The following CNTNAP5 variants were observed in gnomAD, a reference collection of about 807,000 sequenced individuals.
The protein encoded by CNTNAP5 is contactin associated protein family member 5.
CNTNAP5 carries 72 observed loss-of-function variants against 150.2 expected under a neutral mutation model. That is an observed-to-expected ratio of 0.48 (90% CI 0.40 to 0.58). The LOEUF is 0.58. CNTNAP5 is among the 20% of genes least tolerant of loss of function. The pLI is 0.00. For synonymous variants in CNTNAP5, 672 were observed against 619.8 expected (o/e 1.08, Z -1.25); for missense variants, 1,636 against 1,626.2 (o/e 1.01, Z -0.10).
At chr2:124,779,939 C>T (rs990454722) in intron 17 of CNTNAP5, among the ~76,000 whole-genome samples, 3 of 152,056 alleles carry the variant, frequency 2.0e-5, no homozygotes, top group Admixed American at 6.6e-5. Flanking sequence ...TGTGGGAAGA[C>T]GTAGTGTCTA....
chr2:124,408,962 A>C (rs893941918), intron 3 of CNTNAP5, among the ~76,000 whole-genome samples: 1 of 150,216 alleles, frequency 6.7e-6, no homozygotes, highest in Non-Finnish European at 1.5e-5. Context: ...CATTCAAACC[A>C]AAGGCAAAGA....
intron 13 of CNTNAP5, among the ~76,000 whole-genome samples, chr2:124,685,885 A>C (rs1332488220): frequency 6.6e-6 from 1 of 151,544 alleles, no homozygotes; most frequent in Non-Finnish European, 1.5e-5. Context: ...TTGAGTCCTC[A>C]TTTTTTTTGC....
At chr2:124,305,581 A>C (rs1237296375) in intron 3 of CNTNAP5, among the ~76,000 whole-genome samples, 1 of 152,204 alleles carries the variant, frequency 6.6e-6, no homozygotes, top group Non-Finnish European at 1.5e-5. Context: ...ACTTAATCCC[A>C]GTGCAACAGT....
intron 19 of CNTNAP5, among the ~76,000 whole-genome samples, chr2:124,856,511 A>ATT (rs67908018): frequency 6.6e-6 from 1 of 151,780 alleles, no homozygotes; most frequent in African/African-American, 2.4e-5. Context: ...TTATTTTTTG[A>ATT]TTTTTTGATT....
chr2:124,513,362 T>C (rs1694636906), intron 8 of CNTNAP5, among the ~76,000 whole-genome samples: 1 of 152,216 alleles, frequency 6.6e-6, no homozygotes, highest in Non-Finnish European at 1.5e-5. Flanking sequence ...CAAATACAAT[T>C]GTGTTTTTAG....
In CNTNAP5 at chr2:124,484,764, C is replaced by A. The variant is rs201553452; in HGVS notation, c.1062+9882C>A. On this transcript the variant is annotated intron_variant, in intron 7 of 23. Transcript: ENST00000682447. ...ATTAGTATTTTATAGGGCACACACA[C>A]CCCTTTAAGAATGTAATGAAAACTA... is the stretch of plus-strand genomic sequence containing the variant. Among the ~76,000 whole-genome samples, 5 of 152,266 alleles carry A rather than the reference C, an allele frequency of 3.3e-5. No individual in the cohort carries two copies. The East Asian group carries it at 9.6e-4, about 29-fold the overall frequency.
chr2:124,305,463 G>T (rs907232916), intron 3 of CNTNAP5, among the ~76,000 whole-genome samples: 1 of 152,160 alleles, frequency 6.6e-6, no homozygotes, highest in African/African-American at 2.4e-5. Context: ...AAAGTTGAAA[G>T]CAAGACCCTA....
At chr2:124,364,601 T>C (rs1342570930) in intron 3 of CNTNAP5, among the ~76,000 whole-genome samples, 1 of 152,180 alleles carries the variant, frequency 6.6e-6, no homozygotes, top group East Asian at 1.9e-4. Flanking sequence ...ACAGATTAGG[T>C]ACTCAAGGAA....
intron 3 of CNTNAP5, among the ~76,000 whole-genome samples, chr2:124,261,290 C>T (rs915302790): frequency 4.6e-5 from 7 of 152,206 alleles, no homozygotes; most frequent in Non-Finnish European, 8.8e-5. Context: ...AACTCTTCAA[C>T]AAAAGCCTCG....
intron 2 of CNTNAP5, among the ~76,000 whole-genome samples, chr2:124,232,052 G>A (rs899292237): frequency 6.6e-6 from 1 of 151,802 alleles, no homozygotes; most frequent in Non-Finnish European, 1.5e-5. Context: ...GCCAGGTTGC[G>A]ATGACTTCTA....
chr2:124,265,395 T>A (rs988929211), intron 3 of CNTNAP5, among the ~76,000 whole-genome samples: 1 of 152,146 alleles, frequency 6.6e-6, no homozygotes, highest in Non-Finnish European at 1.5e-5. Context: ...CTGACTGCAC[T>A]AATGGGGTCA....
chr2:124,136,722 A>G (rs57838665), intron 1 of CNTNAP5, among the ~76,000 whole-genome samples: 1,523 of 152,270 alleles, frequency 0.01, 25 homozygotes, highest in African/African-American at 0.035. Context: ...TAGAGTTAAC[A>G]AGACTAGGGA....
chr2:124,712,254 G>C (rs1029698391), intron 13 of CNTNAP5, among the ~76,000 whole-genome samples: 7 of 152,108 alleles, frequency 4.6e-5, no homozygotes, highest in Non-Finnish European at 1.0e-4. Flanking sequence ...TACAAATAAG[G>C]CTAAATCTGA....
At chr2:124,510,973 A>G (rs1694574445) in intron 8 of CNTNAP5, among the ~76,000 whole-genome samples, 1 of 152,180 alleles carries the variant, frequency 6.6e-6, no homozygotes, top group Non-Finnish European at 1.5e-5. Flanking sequence ...TAAGGTACCA[A>G]GTGCCATGGG....
intron 14 of CNTNAP5, among the ~76,000 whole-genome samples, chr2:124,759,424 A>G (rs1388677286): frequency 6.8e-6 from 1 of 147,350 alleles, no homozygotes; most frequent in Non-Finnish European, 1.5e-5. Context: ...CATTATATAT[A>G]TATATATAAT....
chr2:124,772,762 C>G, intron 16 of CNTNAP5, 37 bp from the exon 17 acceptor site: 1 of 1,532,844 alleles, frequency 6.5e-7, no homozygotes, highest in South Asian at 1.1e-5. Context: ...GAGCTAACAA[C>G]TCCCTCTATC....
intron 19 of CNTNAP5, among the ~76,000 whole-genome samples, chr2:124,830,165 G>T (rs1381366675): frequency 6.6e-6 from 1 of 151,710 alleles, no homozygotes; most frequent in Non-Finnish European, 1.5e-5. Flanking sequence ...TAATCAAAAA[G>T]ACTTAATTTA....
chr2:124,671,220 A>C (rs974869117), intron 13 of CNTNAP5, among the ~76,000 whole-genome samples: 2 of 152,226 alleles, frequency 1.3e-5, no homozygotes, highest in Non-Finnish European at 2.9e-5. Flanking sequence ...TCATGGTGTT[A>C]AGCTAAGCAT....
intron 8 of CNTNAP5, among the ~76,000 whole-genome samples, chr2:124,518,543 G>T (rs186544511): frequency 3.3e-4 from 50 of 152,266 alleles, no homozygotes; most frequent in African/African-American, 1.2e-3. Context: ...ATATGGAATT[G>T]CCCTATGACT....
Sources: gnomAD v4.1 joint callset for allele counts (sites outside exome capture counted in the v4.1 genomes callset) on GRCh38, gnomAD v4.1.1 for gene constraint, MANE v1.5 for transcripts, NCBI Gene and HGNC (gene_info 2026-07-23, HGNC 2026-07-21) for gene names.